Variants in ACTR3C observed in about 807,000 individuals in gnomAD.
ACTR3C encodes actin related protein 3C.
A neutral mutation model predicts 26.3 loss-of-function variants in ACTR3C; 18 were observed. The ratio of observed to expected loss-of-function variants is 0.68; its 90% CI spans 0.47 to 1.01. ACTR3C has a LOEUF of 1.01. Ranked by LOEUF, ACTR3C falls within the 50% of genes least tolerant of loss-of-function variation. ACTR3C has a pLI of 0.00. For missense variants in ACTR3C, 184 were observed against 250.7 expected (o/e 0.73, Z 1.80); for synonymous variants, 55 against 94.5 (o/e 0.58, Z 2.42).
At chr7:149,973,230 A>G in the ACTR3C span, among the ~76,000 whole-genome samples, 1 of 152,190 alleles carries the variant, frequency 6.6e-6, no homozygotes, top group Non-Finnish European at 1.5e-5. Context: ...CCGGGGGTGA[A>G]GGAGCACACG....
chr7:150,000,167 A>C, the ACTR3C span, among the ~76,000 whole-genome samples: 2 of 152,180 alleles, frequency 1.3e-5, no homozygotes, highest in African/African-American at 4.8e-5. Flanking sequence ...ATTTTCTTAC[A>C]TAATAAAAAA....
At chr7:150,006,584 G>A in the ACTR3C span, among the ~76,000 whole-genome samples, 1 of 149,798 alleles carries the variant, frequency 6.7e-6, no homozygotes, top group African/African-American at 2.5e-5. Context: ...TTTAAACAAG[G>A]TGAGTAAAAG....
At chr7:150,220,816 G>A in the ACTR3C span, among the ~76,000 whole-genome samples, 1 of 152,306 alleles carries the variant, frequency 6.6e-6, no homozygotes, top group South Asian at 2.1e-4. Context: ...GCTCCAGGGC[G>A]GATCTTTCCA....
At chr7:150,149,107 ATATATATATATATATATATG>A in the ACTR3C span, among the ~76,000 whole-genome samples, 1 of 119,492 alleles carries the variant, frequency 8.4e-6, no homozygotes, top group African/African-American at 3.7e-5. Flanking sequence ...ATATATATAT[ATATATATATATATATATATG>A]CATTGGCCAT....
At chr7:150,280,676 G>A (rs1298060033) in intron 6 of ACTR3C, among the ~76,000 whole-genome samples, 2 of 152,128 alleles carry the variant, frequency 1.3e-5, no homozygotes, top group Non-Finnish European at 2.9e-5. Context: ...ATTGAAAAAG[G>A]TAGCTGTGTG....
At chr7:149,917,635 C>CTTTTTTTTTTT in the ACTR3C span, among the ~76,000 whole-genome samples, 1 of 93,644 alleles carries the variant, frequency 1.1e-5, no homozygotes, top group African/African-American at 4.4e-5. Context: ...TGTTTTACAT[C>CTTTTTTTTTTT]TTTTTTTTTT....
intron 1 of ACTR3C, among the ~76,000 whole-genome samples, chr7:150,321,812 C>G (rs1406119599): frequency 1.3e-5 from 2 of 152,116 alleles, no homozygotes; most frequent in Non-Finnish European, 2.9e-5. Flanking sequence ...GGGCAGGGGT[C>G]CCAGCTGTAG....
At chr7:150,036,318 G>T in the ACTR3C span, among the ~76,000 whole-genome samples, 6 of 147,818 alleles carry the variant, frequency 4.1e-5, no homozygotes, top group Non-Finnish European at 7.7e-5. Flanking sequence ...CCTCAAATAG[G>T]GGGGCCATCC....
At position 150,250,202 on chromosome 7, in the gene ACTR3C, C is replaced by CTTTTTTTT. The variant is rs1192764981; in HGVS notation, c.565-1156_565-1149dup. On this transcript the variant is annotated intron_variant, in intron 6 of 7. Coordinates refer to ENST00000683684, the MANE Select transcript of ACTR3C (RefSeq NM_001164458.2). ...ATGAGCAAGAAATGACAGAATCTGA[C>CTTTTTTTT]TTTTTTTTTTTTTTTTTTTGAGACG... Among the ~76,000 whole-genome samples the CTTTTTTTT allele has an allele frequency of 6.0e-4, 75 of 125,484 alleles. 9 individuals are homozygous for CTTTTTTTT. Among genetic ancestry groups the CTTTTTTTT allele is most frequent in the African/African-American group, 2.4e-3 (71 of 29,312 alleles). The allele number at this position is 125,484 out of a possible 152,430, so 82.3% of individuals were successfully genotyped here. A position where few individuals can be genotyped will look rare whatever the true frequency, so the allele number is the denominator to read the frequency against.
chr7:149,945,818 G>T, the ACTR3C span, among the ~76,000 whole-genome samples: 1 of 152,218 alleles, frequency 6.6e-6, no homozygotes, highest in African/African-American at 2.4e-5. Context: ...ACCTTGCTAT[G>T]CACGGACAGT....
At chr7:150,003,382 T>C in the ACTR3C span, among the ~76,000 whole-genome samples, 1 of 138,084 alleles carries the variant, frequency 7.2e-6, no homozygotes, top group Non-Finnish European at 1.6e-5. Flanking sequence ...GTGTGATGTT[T>C]GTGGTATGTA....
At chr7:150,177,237 CTTAAA>C in the ACTR3C span, among the ~76,000 whole-genome samples, 1,767 of 150,544 alleles carry the variant, frequency 0.012, 169 homozygotes, top group African/African-American at 0.042. Flanking sequence ...AAATTAGTTA[CTTAAA>C]TTATTTATTC....
At chr7:150,120,108 A>C in the ACTR3C span, among the ~76,000 whole-genome samples, 3 of 152,322 alleles carry the variant, frequency 2.0e-5, no homozygotes, top group Non-Finnish European at 2.9e-5. Context: ...CATTTATGGC[A>C]CTAAACACCC....
intron 1 of ACTR3C, among the ~76,000 whole-genome samples, chr7:150,307,363 C>T (rs932714665): frequency 1.3e-5 from 2 of 152,196 alleles, no homozygotes; most frequent in African/African-American, 2.4e-5. Flanking sequence ...AGTAAAACAG[C>T]CAGTTCCTGC....
chr7:149,904,287 G>A, the ACTR3C span, among the ~76,000 whole-genome samples: 4 of 150,250 alleles, frequency 2.7e-5, no homozygotes, highest in Non-Finnish European at 4.5e-5. Context: ...ATCCCAGCAC[G>A]CTGGGGAGCT....
At chr7:150,209,841 C>A in the ACTR3C span, among the ~76,000 whole-genome samples, 167 of 150,784 alleles carry the variant, frequency 1.1e-3, no homozygotes, top group Non-Finnish European at 1.9e-3. Context: ...ATCACTTGAG[C>A]CCAGGAGGTG....
chr7:150,085,454 C>T, the ACTR3C span, among the ~76,000 whole-genome samples: 1 of 152,038 alleles, frequency 6.6e-6, no homozygotes, highest in African/African-American at 2.4e-5. Context: ...AAGTCAGCTA[C>T]ATCAAACGTG....
At chr7:150,192,749 G>A in the ACTR3C span, among the ~76,000 whole-genome samples, 1 of 152,200 alleles carries the variant, frequency 6.6e-6, no homozygotes, top group African/African-American at 2.4e-5. Context: ...TACCCACGTG[G>A]TGATGGTCTT....
At chr7:150,261,218 G>A (rs1191889049) in intron 6 of ACTR3C, among the ~76,000 whole-genome samples, 1 of 152,198 alleles carries the variant, frequency 6.6e-6, no homozygotes, top group Non-Finnish European at 1.5e-5. Context: ...ACCGTCACAG[G>A]TATTGCTAAT....
Sources: gnomAD v4.1 joint callset for allele counts (sites outside exome capture counted in the v4.1 genomes callset) on GRCh38, gnomAD v4.1.1 for gene constraint, MANE v1.5 for transcripts, NCBI Gene and HGNC (gene_info 2026-07-23, HGNC 2026-07-21) for gene names.